SCAPER: variants seen among roughly 807,000 people sequenced by gnomAD.
SCAPER encodes S phase cyclin A-associated protein in the endoplasmic reticulum.
SCAPER carries 98 observed loss-of-function variants against 182.2 expected under a neutral mutation model. The observed-to-expected ratio is 0.54, with a 90% CI of 0.46 to 0.64. The LOEUF (loss-of-function observed/expected upper bound fraction) is 0.64. Among genes scored for constraint, SCAPER ranks in the 30% least tolerant of loss-of-function variants. SCAPER has a pLI of 0.00. For synonymous variants in SCAPER, 605 were observed against 564.6 expected (o/e 1.07, Z -1.01); for missense variants, 1,432 against 1,690.0 (o/e 0.85, Z 2.68).
Position 76,665,791 on chromosome 15 carries a change from T to C in SCAPER, c.2509-2A>G. On this transcript the variant is annotated splice_acceptor_variant, in intron 20 of 31. Coordinates refer to ENST00000563290, the MANE Select transcript of SCAPER (RefSeq NM_020843.4). LOFTEE classifies it high-confidence loss of function. ...GTACTTCTTCAAGGAAAGATGCTCC[T>C]GCAAGATAAATAAATAAAATAATAA... The C allele has an allele frequency of 6.7e-7, 1 of 1,503,504 alleles. No individual in the cohort carries two copies. Among genetic ancestry groups the C allele is most frequent in the Non-Finnish European group, 8.9e-7 (1 of 1,129,930 alleles). 93.1% of individuals were successfully genotyped at this position (1,503,504 alleles called of 1,614,324 possible). A position where few individuals can be genotyped will look rare whatever the true frequency, so the allele number is the denominator to read the frequency against.
chr15:76,381,939 CAG>C (rs541562844), intron 27 of SCAPER, among the ~76,000 whole-genome samples: 65 of 152,250 alleles, frequency 4.3e-4, no homozygotes, highest in South Asian at 3.1e-3. Flanking sequence ...GCAAAGTTGA[CAG>C]AGTCTGTGAA....
At chr15:76,889,764 A>C (rs556392260) in intron 1 of SCAPER, among the ~76,000 whole-genome samples, 2 of 152,328 alleles carry the variant, frequency 1.3e-5, no homozygotes, top group Admixed American at 1.3e-4. Flanking sequence ...CAGATTAATG[A>C]GACAGAAGGT....
At chr15:76,691,880 C>G (rs980368895) in intron 20 of SCAPER, among the ~76,000 whole-genome samples, 2 of 152,294 alleles carry the variant, frequency 1.3e-5, no homozygotes, top group East Asian at 3.9e-4. Context: ...ATCTATATTA[C>G]TGTCAAACAA....
intron 29 of SCAPER, among the ~76,000 whole-genome samples, chr15:76,357,950 G>A (rs1424116379): frequency 6.6e-6 from 1 of 152,218 alleles, no homozygotes; most frequent in Non-Finnish European, 1.5e-5. Context: ...GGGAAAGTGG[G>A]AGAGGAGTGA....
chr15:76,803,786 C>G (rs964909088), intron 6 of SCAPER, among the ~76,000 whole-genome samples: 1 of 152,210 alleles, frequency 6.6e-6, no homozygotes, highest in Admixed American at 6.5e-5. Flanking sequence ...CCTCTTAATA[C>G]TATCACATTG....
In SCAPER at chr15:76,541,178, T is replaced by C. The variant is rs187470581; in HGVS notation, c.2838+32980A>G. ...ATGATGAGGAAATGTTTATAAGTTA[T>C]GCATGGTATAACACGTATTAATAGA... On this transcript the variant is annotated intron_variant, in intron 23 of 31. Coordinates refer to ENST00000563290, the MANE Select transcript of SCAPER (RefSeq NM_020843.4). Among the ~76,000 whole-genome samples the C allele has an allele frequency of 5.3e-4, 80 of 150,758 alleles. 1 individual carries two copies. The highest frequency in any genetic ancestry group is 1.9e-4 in the Non-Finnish European group (13 of 67,828).
At chr15:76,814,164 T>C (rs181213887) in intron 5 of SCAPER, among the ~76,000 whole-genome samples, 2 of 151,690 alleles carry the variant, frequency 1.3e-5, no homozygotes, top group Admixed American at 6.6e-5. Flanking sequence ...CGAGACTCCA[T>C]CTCAAAAAAA....
At chr15:76,571,712 T>C (rs2047446874) in intron 23 of SCAPER, among the ~76,000 whole-genome samples, 1 of 152,186 alleles carries the variant, frequency 6.6e-6, no homozygotes, top group African/African-American at 2.4e-5. Context: ...AGTTCCACCA[T>C]CCTACCTTGT....
At chr15:76,712,138 T>C (rs543118876) in intron 17 of SCAPER, among the ~76,000 whole-genome samples, 1 of 152,318 alleles carries the variant, frequency 6.6e-6, no homozygotes, top group East Asian at 1.9e-4. Flanking sequence ...AGGGATCCAG[T>C]TTCAGCTTTC....
chr15:76,543,840 C>G (rs2045005414), intron 23 of SCAPER, among the ~76,000 whole-genome samples: 1 of 152,170 alleles, frequency 6.6e-6, no homozygotes, highest in Admixed American at 6.5e-5. Context: ...AACAGATAAA[C>G]TGACCTTTAT....
chr15:76,879,946 C>T (rs2073426542), intron 2 of SCAPER, among the ~76,000 whole-genome samples: 1 of 152,166 alleles, frequency 6.6e-6, no homozygotes, highest in African/African-American at 2.4e-5. Flanking sequence ...TCACTATTCT[C>T]ACTGTGTAGG....
At position 76,348,368 on chromosome 15, in the gene SCAPER, A is replaced by C. The variant is rs944995395; in HGVS notation, c.*265T>G. 1.7e-5 allele frequency: 4 copies of C among 236,784 alleles called. No individual in the cohort carries two copies. Among genetic ancestry groups the C allele is most frequent in the Non-Finnish European group, 3.2e-5 (4 of 123,402 alleles). The allele number at this position is 236,784 out of a possible 1,614,324, so 14.7% of individuals were successfully genotyped here. A position where few individuals can be genotyped will look rare whatever the true frequency, so the allele number is the denominator to read the frequency against. ...TATGTCTCCTTTCACCCATATCACA[A>C]ATGCAAAGTATATATTATCATAAGA... On this transcript the variant is annotated 3_prime_UTR_variant, in exon 32 of 32. Transcript: ENST00000563290.
intron 21 of SCAPER, among the ~76,000 whole-genome samples, chr15:76,652,568 G>A (rs574123066): frequency 3.0e-3 from 407 of 135,780 alleles, no homozygotes; most frequent in Non-Finnish European, 4.8e-3. Context: ...CACATTAGCC[G>A]GGTGTGGTGG....
At chr15:76,728,260 T>C (rs964945881) in intron 17 of SCAPER, among the ~76,000 whole-genome samples, 4 of 151,716 alleles carry the variant, frequency 2.6e-5, no homozygotes, top group African/African-American at 9.7e-5. Flanking sequence ...TCTTGTGATC[T>C]AGACTTTCAT....
At chr15:76,689,767 T>C (rs1045131843) in intron 20 of SCAPER, among the ~76,000 whole-genome samples, 1 of 151,524 alleles carries the variant, frequency 6.6e-6, no homozygotes, top group African/African-American at 2.4e-5. Context: ...AGAAGGCTGC[T>C]GCTTACAAGA....
intron 21 of SCAPER, among the ~76,000 whole-genome samples, chr15:76,641,001 G>C (rs916013538): frequency 1.5e-4 from 23 of 152,238 alleles, no homozygotes; most frequent in South Asian, 4.1e-4. Flanking sequence ...GAAGCATGAG[G>C]GGCGCCTGTC....
chr15:76,457,910 T>C (rs1358056028), intron 25 of SCAPER, among the ~76,000 whole-genome samples: 2 of 152,124 alleles, frequency 1.3e-5, no homozygotes, highest in African/African-American at 2.4e-5. Flanking sequence ...ATCATTTCCC[T>C]TCAGCCTGAA....
chr15:76,371,319 CTT>C (rs558300032), intron 29 of SCAPER, among the ~76,000 whole-genome samples: 67 of 137,300 alleles, frequency 4.9e-4, no homozygotes, highest in Admixed American at 6.5e-4. Context: ...CTCTCTCTCT[CTT>C]TTTTTTTTTT....
chr15:76,800,482 A>G (rs2065696266), intron 6 of SCAPER, 118 bp from the exon 7 acceptor site: 1 of 694,444 alleles, frequency 1.4e-6, no homozygotes, highest in South Asian at 1.7e-5. Context: ...AACAACAACA[A>G]AAAGTCACAA....
Sources: gnomAD v4.1 joint callset for allele counts (sites outside exome capture counted in the v4.1 genomes callset) on GRCh38, gnomAD v4.1.1 for gene constraint, MANE v1.5 for transcripts, NCBI Gene and HGNC (gene_info 2026-07-23, HGNC 2026-07-21) for gene names.